The following CSMD3 variants were observed in gnomAD, a reference collection of about 807,000 sequenced individuals.
The protein encoded by CSMD3 is CUB and sushi domain-containing protein 3.
Under a neutral mutation model 435.2 loss-of-function variants are expected in CSMD3, and 177 were observed. The observed-to-expected ratio is 0.41, with a 90% confidence interval of 0.36 to 0.46. CSMD3 has a LOEUF of 0.46. Ranked by LOEUF, CSMD3 falls within the 20% of genes least tolerant of loss-of-function variation. The pLI is 0.34. For synonymous variants in CSMD3, 1,656 were observed against 1,520.5 expected (o/e 1.09, Z -2.07); for missense variants, 4,265 against 4,504.6 (o/e 0.95, Z 1.52).
intron 1 of CSMD3, among the ~76,000 whole-genome samples, chr8:113,397,817 C>T (rs1441764772): frequency 1.5e-5 from 2 of 130,656 alleles, no homozygotes; most frequent in Non-Finnish European, 3.2e-5. Flanking sequence ...GAGAGTCCGT[C>T]TCAAAAATAA....
At chr8:113,157,178 G>A (rs1271001188) in intron 4 of CSMD3, among the ~76,000 whole-genome samples, 1 of 152,064 alleles carries the variant, frequency 6.6e-6, no homozygotes, top group Non-Finnish European at 1.5e-5. Context: ...TAAACATAGA[G>A]TATTGGGGTT....
At chr8:112,821,242 T>C (rs2079522477) in intron 12 of CSMD3, among the ~76,000 whole-genome samples, 1 of 152,134 alleles carries the variant, frequency 6.6e-6, no homozygotes, top group East Asian at 1.9e-4. Flanking sequence ...TCTTCCACAA[T>C]AGTTGAACTA....
intron 3 of CSMD3, among the ~76,000 whole-genome samples, chr8:113,252,047 AT>A: frequency 6.6e-6 from 1 of 152,078 alleles, no homozygotes; most frequent in East Asian, 1.9e-4. Context: ...TACTTTTTAT[AT>A]TTTTCATACT....
chr8:113,149,812 T>G (rs1313329368), intron 4 of CSMD3, among the ~76,000 whole-genome samples: 1 of 151,946 alleles, frequency 6.6e-6, no homozygotes, highest in Non-Finnish European at 1.5e-5. Context: ...TGTGAAGCCA[T>G]CTGTGAGCTG....
At chr8:112,343,302 G>A (rs912608668) in intron 41 of CSMD3, among the ~76,000 whole-genome samples, 1 of 151,866 alleles carries the variant, frequency 6.6e-6, no homozygotes, top group Non-Finnish European at 1.5e-5. Flanking sequence ...AGTGAAAGAC[G>A]TGGAAGAGCC....
chr8:112,607,925 A>G (rs1317642850), intron 22 of CSMD3, among the ~76,000 whole-genome samples: 1 of 152,154 alleles, frequency 6.6e-6, no homozygotes, highest in Non-Finnish European at 1.5e-5. Flanking sequence ...CACTAATTCT[A>G]TTCACCATAG....
chr8:112,494,803 G>T (rs1821171715), intron 30 of CSMD3, among the ~76,000 whole-genome samples: 1 of 152,114 alleles, frequency 6.6e-6, no homozygotes, highest in Non-Finnish European at 1.5e-5. Context: ...ATAAGGAACA[G>T]ATTAGGTAAA....
chr8:113,375,514 T>TACACACACACAC (rs3221516), intron 1 of CSMD3, among the ~76,000 whole-genome samples: 38 of 69,288 alleles, frequency 5.5e-4, no homozygotes, highest in African/African-American at 9.3e-4. Context: ...GACTATTTAA[T>TACACACACACAC]ACACACACAC....
chr8:112,667,759 A>G (rs2131715247), intron 16 of CSMD3, among the ~76,000 whole-genome samples: 1 of 152,218 alleles, frequency 6.6e-6, no homozygotes, highest in South Asian at 2.1e-4. Context: ...TTATCAGGAA[A>G]GAAAAAAAGT....
At chr8:113,255,014 A>G (rs2132321427) in intron 3 of CSMD3, among the ~76,000 whole-genome samples, 1 of 152,294 alleles carries the variant, frequency 6.6e-6, no homozygotes, top group South Asian at 2.1e-4. Flanking sequence ...GAAAGCAAGT[A>G]AAAGAATGGA....
intron 3 of CSMD3, among the ~76,000 whole-genome samples, chr8:113,236,653 A>T (rs544864679): frequency 1.8e-4 from 27 of 152,062 alleles, no homozygotes; most frequent in African/African-American, 6.3e-4. Flanking sequence ...CTGGCCTCAG[A>T]CTGAGAATTA....
At chr8:113,222,879 T>G (rs2092985698) in intron 3 of CSMD3, among the ~76,000 whole-genome samples, 1 of 151,010 alleles carries the variant, frequency 6.6e-6, no homozygotes, top group Non-Finnish European at 1.5e-5. Context: ...CATTTCTGAA[T>G]TTTCACATGA....
chr8:113,293,184 T>A (rs955561886), intron 2 of CSMD3, among the ~76,000 whole-genome samples: 1 of 150,920 alleles, frequency 6.6e-6, no homozygotes, highest in Non-Finnish European at 1.5e-5. Context: ...ATTTTTATCT[T>A]CAGATAACCT....
chr8:112,546,159 A>G (rs906225461), intron 27 of CSMD3, among the ~76,000 whole-genome samples: 1 of 152,224 alleles, frequency 6.6e-6, no homozygotes, highest in Non-Finnish European at 1.5e-5. Flanking sequence ...ATGTATATAA[A>G]TGAATAGTGA....
At chr8:112,881,523 C>A (rs2081448239) in intron 10 of CSMD3, among the ~76,000 whole-genome samples, 1 of 151,900 alleles carries the variant, frequency 6.6e-6, no homozygotes, top group South Asian at 2.1e-4. Flanking sequence ...GGTTGTAGCC[C>A]TTGGTATGAA....
chr8:113,301,864 T>C (rs1408406064), intron 2 of CSMD3, among the ~76,000 whole-genome samples: 2 of 152,036 alleles, frequency 1.3e-5, no homozygotes, highest in Non-Finnish European at 1.5e-5. Flanking sequence ...ACAATATCCT[T>C]CAGATGTATG....
chr8:112,573,745 T>G (rs1000598239), intron 23 of CSMD3, 88 bp from the exon 24 acceptor site: 2 of 1,106,264 alleles, frequency 1.8e-6, no homozygotes, highest in Admixed American at 2.0e-5. Context: ...AAGAGAAAAG[T>G]GTACTTTTTC....
At chr8:112,743,834 C>A (rs978481529) in intron 13 of CSMD3, among the ~76,000 whole-genome samples, 1 of 151,910 alleles carries the variant, frequency 6.6e-6, no homozygotes, top group Non-Finnish European at 1.5e-5. Context: ...TTGCATACCT[C>A]ATGGAATATG....
chr8:112,685,518 G>T lies in CSMD3; in HGVS notation c.2370C>A (p.Thr790=), dbSNP rs769343413. The T allele has an allele frequency of 3.7e-6, 6 of 1,613,984 alleles. No homozygotes were observed. The East Asian group carries it at 8.9e-5, about 24-fold the overall frequency. ...GDSPESPILG[T]FTGAEVPSHL... ...GGGAAGGCACCTCAGCCCCAGTAAAGGTTCCAAGAATTGGGGATTCTGGAG... is the reference window on the plus strand; with the variant it reads ...GGGAAGGCACCTCAGCCCCAGTAAATGTTCCAAGAATTGGGGATTCTGGAG... Residue 790 remains threonine (T), a synonymous_variant, in exon 15 of 71, where the codon ACC becomes ACA. Coordinates refer to ENST00000297405, the MANE Select transcript of CSMD3 (RefSeq NM_198123.2).
Sources: gnomAD v4.1 joint callset for allele counts (sites outside exome capture counted in the v4.1 genomes callset) on GRCh38, gnomAD v4.1.1 for gene constraint, MANE v1.5 for transcripts, NCBI Gene and HGNC (gene_info 2026-07-23, HGNC 2026-07-21) for gene names.